The following CEP112 variants were observed in gnomAD, a reference collection of about 807,000 sequenced individuals.
CEP112 encodes the protein centrosomal protein 112, also known as centrosomal protein of 112 kDa.
Under a neutral mutation model 153.0 loss-of-function variants are expected in CEP112, and 127 were observed. The observed-to-expected ratio is 0.83, with a 90% CI of 0.72 to 0.96. The LOEUF is 0.96. Ranked by LOEUF, CEP112 falls within the 40% of genes least tolerant of loss-of-function variation. The probability of loss-of-function intolerance (pLI) is 0.00; values close to 1 mark genes in which losing one functional copy is unlikely to be tolerated. For missense variants in CEP112, 1,089 were observed against 1,101.2 expected (o/e 0.99, Z 0.16); for synonymous variants, 358 against 374.4 (o/e 0.96, Z 0.51).
chr17:65,883,148 G>A (rs971260454), intron 20 of CEP112, among the ~76,000 whole-genome samples: 3 of 152,042 alleles, frequency 2.0e-5, no homozygotes, highest in Non-Finnish European at 4.4e-5. Flanking sequence ...ATGGAAAAAA[G>A]TGTTATGAAG....
intron 21 of CEP112, among the ~76,000 whole-genome samples, chr17:65,817,390 A>G (rs1314250312): frequency 1.3e-5 from 2 of 151,934 alleles, no homozygotes; most frequent in Non-Finnish European, 2.9e-5. Context: ...ACCAATAGCT[A>G]TTTAACGGAG....
rs944580962 is a variant in CEP112 at position 65,679,358 on chromosome 17, A to G, written c.2697+9771T>C. Among the ~76,000 whole-genome samples the G allele has an allele frequency of 2.2e-4, 34 of 152,116 alleles. 1 individual carries two copies. The highest frequency in any genetic ancestry group is 6.2e-4 in the South Asian group (3 of 4,816). On this transcript the variant is annotated intron_variant, in intron 24 of 26. Coordinates refer to ENST00000535342, the MANE Select transcript of CEP112 (RefSeq NM_001199165.4). Reference sequence around the variant, plus strand: ...TTTTGTAATTAAACTGTGGTTATTAAAATTACTCGAAACAAACCAGAATAA... The same window carrying G: ...TTTTGTAATTAAACTGTGGTTATTAGAATTACTCGAAACAAACCAGAATAA...
intron 8 of CEP112, among the ~76,000 whole-genome samples, chr17:66,073,700 G>GT (rs1459044139): frequency 1.3e-5 from 2 of 152,172 alleles, no homozygotes; most frequent in East Asian, 1.9e-4. Flanking sequence ...AAGATAGTTT[G>GT]TAAGACAGGT....
At chr17:65,753,387 T>C (rs1176759016) in intron 21 of CEP112, among the ~76,000 whole-genome samples, 1 of 152,232 alleles carries the variant, frequency 6.6e-6, no homozygotes, top group Non-Finnish European at 1.5e-5. Context: ...GTCCATACCT[T>C]TGAAGTTTTC....
chr17:65,771,717 T>G (rs1283970817), intron 21 of CEP112, among the ~76,000 whole-genome samples: 1 of 151,958 alleles, frequency 6.6e-6, no homozygotes, highest in Non-Finnish European at 1.5e-5. Flanking sequence ...AATATTAGAG[T>G]CAAAGAAAGA....
intron 21 of CEP112, among the ~76,000 whole-genome samples, chr17:65,839,125 G>C (rs1338452207): frequency 6.6e-6 from 1 of 151,988 alleles, no homozygotes; most frequent in Non-Finnish European, 1.5e-5. Flanking sequence ...ATGAAGAGGA[G>C]AGAATACTTC....
At chr17:66,173,038 C>T (rs187619285) in intron 4 of CEP112, among the ~76,000 whole-genome samples, 33 of 152,294 alleles carry the variant, frequency 2.2e-4, no homozygotes, top group Admixed American at 1.2e-3. Flanking sequence ...GGACCACAGA[C>T]GCACAGGCTG....
At chr17:65,969,924 C>A (rs866257695) in intron 17 of CEP112, among the ~76,000 whole-genome samples, 1 of 152,032 alleles carries the variant, frequency 6.6e-6, no homozygotes, top group Non-Finnish European at 1.5e-5. Context: ...ATGCATATCA[C>A]ATGCGCTACA....
At chr17:66,038,664 A>G (rs1184792041) in intron 12 of CEP112, among the ~76,000 whole-genome samples, 1 of 152,250 alleles carries the variant, frequency 6.6e-6, no homozygotes, top group Non-Finnish European at 1.5e-5. Context: ...CAACAGAATC[A>G]GGGAAGAAAT....
intron 19 of CEP112, chr17:65,913,556 C>T: frequency 1.0e-6 from 1 of 985,260 alleles, no homozygotes; most frequent in Non-Finnish European, 1.2e-6. Flanking sequence ...ATGTGGCTCC[C>T]AGATTAGATG....
At chr17:65,678,832 C>G (rs1242806971) in intron 24 of CEP112, among the ~76,000 whole-genome samples, 1 of 152,182 alleles carries the variant, frequency 6.6e-6, no homozygotes, top group African/African-American at 2.4e-5. Flanking sequence ...ATAGAGGATC[C>G]TGCCTCTTCT....
At chr17:66,023,299 A>C (rs1165187433) in intron 16 of CEP112, among the ~76,000 whole-genome samples, 3 of 152,204 alleles carry the variant, frequency 2.0e-5, no homozygotes, top group Non-Finnish European at 4.4e-5. Context: ...GAAGAAAAAA[A>C]TCCTAAACTC....
At chr17:66,055,622 A>G (rs553848874) in intron 11 of CEP112, among the ~76,000 whole-genome samples, 1 of 152,286 alleles carries the variant, frequency 6.6e-6, no homozygotes, top group African/African-American at 2.4e-5. Flanking sequence ...CCCCTAGAAC[A>G]TATGCCTGCC....
chr17:65,821,538 ATATTTTTTTTTTTT>A (rs2056579515), intron 21 of CEP112, among the ~76,000 whole-genome samples: 2 of 39,140 alleles, frequency 5.1e-5, no homozygotes, highest in Admixed American at 4.4e-4. Flanking sequence ...ATATATATAT[ATATTTTTTTTTTTT>A]TTTTTTTTTT....
At chr17:65,791,880 A>C (rs575983243) in intron 21 of CEP112, among the ~76,000 whole-genome samples, 1 of 152,344 alleles carries the variant, frequency 6.6e-6, no homozygotes, top group East Asian at 1.9e-4. Context: ...AAAAGCAATT[A>C]AAATACATAA....
intron 4 of CEP112, among the ~76,000 whole-genome samples, chr17:66,134,257 A>C (rs2070335013): frequency 1.3e-5 from 2 of 152,230 alleles, no homozygotes. Flanking sequence ...GGTTGCATAC[A>C]TAAAACGACA....
intron 23 of CEP112, among the ~76,000 whole-genome samples, chr17:65,734,759 G>T (rs2050703048): frequency 6.6e-6 from 1 of 152,178 alleles, no homozygotes; most frequent in South Asian, 2.1e-4. Flanking sequence ...TTAGAAAAGG[G>T]AGGAGTATTT....
intron 21 of CEP112, among the ~76,000 whole-genome samples, chr17:65,812,263 A>G (rs1426562932): frequency 6.6e-6 from 1 of 152,214 alleles, no homozygotes; most frequent in Non-Finnish European, 1.5e-5. Context: ...TCGGCCTCCC[A>G]AAGTGCTGGG....
intron 6 of CEP112, among the ~76,000 whole-genome samples, chr17:66,106,218 TAAAC>T (rs982270205): frequency 2.0e-5 from 3 of 151,606 alleles, no homozygotes; most frequent in Non-Finnish European, 4.4e-5. Context: ...AAACTTCAAA[TAAAC>T]AACCTAATGA....
Sources: allele counts gnomAD v4.1 joint callset (sites outside exome capture counted in the v4.1 genomes callset), GRCh38; gene constraint gnomAD v4.1.1; transcripts MANE v1.5; gene names NCBI Gene and HGNC (gene_info 2026-07-23, HGNC 2026-07-21).